SCHIP1: variants seen among roughly 807,000 people sequenced by gnomAD.
SCHIP1 encodes schwannomin interacting protein 1.
Under a neutral mutation model 29.7 loss-of-function variants are expected in SCHIP1, and 8 were observed. The observed-to-expected ratio is 0.27, with a 90% CI of 0.16 to 0.49. SCHIP1 has a LOEUF of 0.49. Ranked by LOEUF, SCHIP1 falls within the 20% of genes least tolerant of loss-of-function variation. The pLI, the probability that SCHIP1 is intolerant of heterozygous loss-of-function variation, is 0.99. For synonymous variants in SCHIP1, 76 were observed against 94.9 expected (o/e 0.80, Z 1.16); for missense variants, 193 against 294.6 (o/e 0.66, Z 2.52).
the SCHIP1 span, among the ~76,000 whole-genome samples, chr3:159,472,205 G>C: frequency 6.6e-6 from 1 of 152,132 alleles, no homozygotes; most frequent in Non-Finnish European, 1.5e-5. Flanking sequence ...ATACAAAATT[G>C]TATGCATATT....
chr3:159,511,235 G>A, the SCHIP1 span, among the ~76,000 whole-genome samples: 11 of 152,230 alleles, frequency 7.2e-5, no homozygotes, highest in African/African-American at 9.6e-5. Flanking sequence ...CTAGCAATGA[G>A]CGAGGCTCCA....
At chr3:159,372,359 GT>G in the SCHIP1 span, among the ~76,000 whole-genome samples, 1 of 152,024 alleles carries the variant, frequency 6.6e-6, no homozygotes. Flanking sequence ...TGGCACTGGC[GT>G]TAATAAAGAG....
At chr3:159,528,107 G>A in the SCHIP1 span, among the ~76,000 whole-genome samples, 1 of 152,162 alleles carries the variant, frequency 6.6e-6, no homozygotes, top group African/African-American at 2.4e-5. Flanking sequence ...ATTAGTTACA[G>A]CTAGAGAAGG....
the SCHIP1 span, among the ~76,000 whole-genome samples, chr3:159,522,535 T>C: frequency 1.3e-5 from 2 of 152,156 alleles, no homozygotes; most frequent in Admixed American, 6.5e-5. Context: ...ATAGATTAGA[T>C]GAATAAAGAA....
the SCHIP1 span, among the ~76,000 whole-genome samples, chr3:159,689,857 A>C: frequency 6.6e-6 from 1 of 152,128 alleles, no homozygotes; most frequent in African/African-American, 2.4e-5. Context: ...TGAGATAATC[A>C]TGTGGTTTTT....
chr3:159,497,500 C>A, the SCHIP1 span, among the ~76,000 whole-genome samples: 2 of 151,850 alleles, frequency 1.3e-5, no homozygotes, highest in South Asian at 2.1e-4. Context: ...TATCACATTA[C>A]AAGGGAAGAA....
chr3:159,340,847 T>A, the SCHIP1 span, among the ~76,000 whole-genome samples: 3 of 152,158 alleles, frequency 2.0e-5, no homozygotes, highest in African/African-American at 7.2e-5. Flanking sequence ...ATAAAATTTC[T>A]TCCAAAAAGT....
the SCHIP1 span, among the ~76,000 whole-genome samples, chr3:159,831,398 C>T: frequency 6.6e-6 from 1 of 152,146 alleles, no homozygotes; most frequent in Non-Finnish European, 1.5e-5. Context: ...CTTGGCCTGC[C>T]AGGGATACTT....
chr3:159,575,371 A>C, the SCHIP1 span, among the ~76,000 whole-genome samples: 1 of 151,848 alleles, frequency 6.6e-6, no homozygotes, highest in Admixed American at 6.6e-5. Context: ...CACCATTTAG[A>C]TTGAGTTATT....
chr3:159,764,594 C>T, the SCHIP1 span: 1 of 1,609,232 alleles, frequency 6.2e-7, no homozygotes, highest in Non-Finnish European at 8.5e-7. The surrounding 1 kb of genome is among the most constrained non-coding windows in gnomAD (Gnocchi z 6.1). Context: ...GACTTGGTGT[C>T]TGCCCTGGAG....
the SCHIP1 span, among the ~76,000 whole-genome samples, chr3:159,392,401 G>A: frequency 6.6e-5 from 10 of 151,872 alleles, no homozygotes; most frequent in African/African-American, 1.7e-4. Context: ...ATGCTGGTGC[G>A]CTGCACCCAC....
At chr3:159,588,682 T>C in the SCHIP1 span, among the ~76,000 whole-genome samples, 1 of 152,258 alleles carries the variant, frequency 6.6e-6, no homozygotes, top group East Asian at 1.9e-4. Flanking sequence ...TTTCTACATA[T>C]GGCTAGCCAG....
At chr3:159,698,570 C>T in the SCHIP1 span, among the ~76,000 whole-genome samples, 11 of 152,166 alleles carry the variant, frequency 7.2e-5, no homozygotes, top group Non-Finnish European at 1.6e-4. Context: ...ATCCCTCAAC[C>T]TCTCTAGGTC....
At chr3:159,471,304 T>G in the SCHIP1 span, among the ~76,000 whole-genome samples, 2 of 152,064 alleles carry the variant, frequency 1.3e-5, no homozygotes, top group Non-Finnish European at 2.9e-5. Context: ...GAGCACAAAA[T>G]CAACCTCATT....
the SCHIP1 span, among the ~76,000 whole-genome samples, chr3:159,544,693 G>C: frequency 6.6e-6 from 1 of 151,822 alleles, no homozygotes; most frequent in Admixed American, 6.6e-5. Context: ...TTTCTTAATT[G>C]CATTTTCTTT....
At chr3:159,639,578 C>T in the SCHIP1 span, among the ~76,000 whole-genome samples, 1 of 152,102 alleles carries the variant, frequency 6.6e-6, no homozygotes, top group Non-Finnish European at 1.5e-5. Flanking sequence ...CTATTTAAAA[C>T]AATGTGTGCT....
the SCHIP1 span, chr3:159,765,429 G>T: frequency 1.4e-5 from 5 of 349,302 alleles, no homozygotes; most frequent in Admixed American, 4.8e-5. Flanking sequence ...TACTTATGGA[G>T]ACCAGGTTGT....
the SCHIP1 span, among the ~76,000 whole-genome samples, chr3:159,486,941 A>G: frequency 3.3e-5 from 5 of 152,258 alleles, no homozygotes; most frequent in Admixed American, 3.3e-4. Context: ...AAATAAAATT[A>G]GGATTCTAGG....
chr3:159,660,251 G>A, the SCHIP1 span, among the ~76,000 whole-genome samples: 9 of 152,146 alleles, frequency 5.9e-5, no homozygotes, highest in African/African-American at 2.2e-4. Flanking sequence ...GAAATGGCCT[G>A]AAAGGAAGCT....
Sources: allele counts gnomAD v4.1 joint callset (sites outside exome capture counted in the v4.1 genomes callset), GRCh38; gene constraint gnomAD v4.1.1; non-coding constraint Gnocchi (gnomAD v3.1); transcripts MANE v1.5; gene names NCBI Gene and HGNC (gene_info 2026-07-23, HGNC 2026-07-21).